TSLP: variants seen among roughly 807,000 people sequenced by gnomAD.
The protein encoded by TSLP is thymic stroma-derived lymphopoietin.
TSLP carries 12 observed loss-of-function variants against 12.4 expected under a neutral mutation model. The ratio of observed to expected loss-of-function variants is 0.97; its 90% CI spans 0.62 to 1.57. The LOEUF is 1.57. Among genes scored for constraint, TSLP ranks in the 40% most tolerant of loss-of-function variants. The pLI is 0.00. For synonymous variants in TSLP, 97 were observed against 69.5 expected (o/e 1.40, Z -1.97); for missense variants, 222 against 189.6 (o/e 1.17, Z -1.00).
intron 3 of TSLP, among the ~76,000 whole-genome samples, chr5:111,075,129 GC>G (rs1438414087): frequency 6.6e-6 from 1 of 152,196 alleles, no homozygotes; most frequent in Non-Finnish European, 1.5e-5. Context: ...TTCTTGGACA[GC>G]ATGTGAGAAA....
Position 111,073,508 on chromosome 5 carries a change from C to T in TSLP, c.217-3C>T, listed in dbSNP as rs1428244274. On this transcript the variant is annotated splice_polypyrimidine_tract_variant and splice_region_variant and intron_variant, in intron 2 of 3. Coordinates refer to ENST00000344895, the MANE Select transcript of TSLP (RefSeq NM_033035.5). ...TCTCGTAAACTTTGCCGCCTATGAG[C>T]AGCCACATTGCCTTACTGAAATCCA... The T allele has an allele frequency of 1.2e-6, 2 of 1,614,066 alleles. No homozygotes were observed. The highest frequency in any genetic ancestry group is 1.7e-5 in the Admixed American group (1 of 60,000).
upstream of TSLP, chr5:111,071,603 T>C: frequency 6.7e-7 from 1 of 1,490,088 alleles, no homozygotes; most frequent in African/African-American, 1.4e-5. Flanking sequence ...ACATCATCAA[T>C]TCAGAATTCT....
chr5:111,070,347 C>T (rs755184852), upstream of TSLP: 1 of 152,266 alleles, frequency 6.6e-6, no homozygotes, highest in South Asian at 2.1e-4. Flanking sequence ...CTCCTTTCTC[C>T]GAGCGATGAC....
intron 1 of TSLP, among the ~76,000 whole-genome samples, 154 bp downstream of exon 1, chr5:111,072,215 A>G (rs1387963101): frequency 1.3e-5 from 2 of 152,240 alleles, no homozygotes; most frequent in African/African-American, 4.8e-5. Context: ...ATATTCAAAT[A>G]TCTAATCTAA....
upstream of TSLP, chr5:111,070,179 G>A (rs553792333): frequency 5.2e-5 from 8 of 152,442 alleles, no homozygotes; most frequent in African/African-American, 1.9e-4. Context: ...TGAATCAGAG[G>A]TTTTCTGACC....
chr5:111,073,631 T>C lies in TSLP; in HGVS notation c.337T>C (p.Tyr113His). The C allele has an allele frequency of 6.2e-7, 1 of 1,614,238 alleles. No homozygotes were observed. The highest frequency in any genetic ancestry group is 2.2e-5 in the East Asian group (1 of 44,886). The change falls in exon 3 of 4, where the codon TAT becomes CAT. Residue 113 changes from tyrosine to histidine, a missense_variant. Transcript: ENST00000344895. The part of the protein sequence containing the change: ...KAALAIWCPG[Y>H]SETQINATQA... Reference sequence around the variant, plus strand: ...TGCCTTAGCTATCTGGTGCCCAGGCTATTCGGAAACTCAGGTAAGCCCGAA... The same window carrying C: ...TGCCTTAGCTATCTGGTGCCCAGGCCATTCGGAAACTCAGGTAAGCCCGAA...
At chr5:111,073,112 C>A (rs1052625592) in intron 2 of TSLP, among the ~76,000 whole-genome samples, 180 bp downstream of exon 2, 2 of 152,218 alleles carry the variant, frequency 1.3e-5, no homozygotes, top group Non-Finnish European at 2.9e-5. Flanking sequence ...GACAACACTT[C>A]TGTTCCAATT....
intron 2 of TSLP, 119 bp from the exon 3 acceptor site, chr5:111,073,392 G>C (rs182160822): frequency 6.4e-7 from 1 of 1,552,516 alleles, no homozygotes; most frequent in Non-Finnish European, 8.7e-7. Context: ...TCTGACTCTC[G>C]ACTTGTGTTC....
rs2112547998 is a variant in TSLP, at chr5:111,076,015, G to C, written c.421G>C (p.Val141Leu). 2 of 1,614,160 alleles carry C rather than the reference G, an allele frequency of 1.2e-6. No individual in the cohort carries two copies. Among genetic ancestry groups the C allele is most frequent in the Middle Eastern group, 1.6e-4 (1 of 6,062 alleles). ...CACAACCAATAAATGTCTGGAACAAGTGTCACAATTACAAGGATTGTGGCG... is the reference window on the plus strand; with the variant it reads ...CACAACCAATAAATGTCTGGAACAACTGTCACAATTACAAGGATTGTGGCG... ...KVTTNKCLEQ[V>L]SQLQGLWRRF... Residue 141 changes from valine to leucine, a missense_variant, in exon 4 of 4, where the codon GTG becomes CTG. Coordinates refer to ENST00000344895, the MANE Select transcript of TSLP (RefSeq NM_033035.5).
At position 111,073,565 on chromosome 5, in the gene TSLP, G is replaced by A. The variant is rs1752403030; in HGVS notation, c.271G>A (p.Ala91Thr). The A allele has an allele frequency of 6.2e-7, 1 of 1,614,140 alleles. No individual in the cohort carries two copies. The highest frequency in any genetic ancestry group is 8.5e-7 in the Non-Finnish European group (1 of 1,180,034). Residue 91 changes from alanine to threonine, a missense_variant, in exon 3 of 4, where the codon GCG becomes ACG. Transcript: ENST00000344895. Reference protein sequence around the residue: ...SLTFNPTAGCASLAKEMFAMK... With the variant: ...SLTFNPTAGCTSLAKEMFAMK... ...AACCTTCAATCCCACCGCCGGCTGC[G>A]CGTCGCTCGCCAAAGAAATGTTCGC...
Position 111,076,734 on chromosome 5 carries a change from T to G in TSLP, c.*660T>G, listed in dbSNP as rs771166158. Reference sequence around the variant, plus strand: ...TTTATTTTGTGAACACTTTTGAAAATGTACATGTTCCTTTGTAATTGACAC... The same window carrying G: ...TTTATTTTGTGAACACTTTTGAAAAGGTACATGTTCCTTTGTAATTGACAC... On this transcript the variant is annotated 3_prime_UTR_variant, in exon 4 of 4. Transcript: ENST00000344895. The G allele has an allele frequency of 7.2e-5, 11 of 152,238 alleles. No individual in the cohort carries two copies. Among genetic ancestry groups the G allele is most frequent in the Non-Finnish European group, 1.5e-4 (10 of 68,046 alleles). The allele number at this position is 152,238 out of a possible 1,614,324, so 9.4% of individuals were successfully genotyped here.
At chr5:111,072,379 A>C (rs1011765369) in intron 1 of TSLP, among the ~76,000 whole-genome samples, 1 of 152,204 alleles carries the variant, frequency 6.6e-6, no homozygotes, top group African/African-American at 2.4e-5. Flanking sequence ...GAGCTTAAGA[A>C]AGAGGAGTAA....
intron 3 of TSLP, among the ~76,000 whole-genome samples, chr5:111,074,627 C>CTTTTTTTTTTTTTTTTTTTTTTTTTT (rs35180980): frequency 9.1e-6 from 1 of 110,328 alleles, no homozygotes; most frequent in Non-Finnish European, 1.8e-5. Context: ...ACGACTGTCA[C>CTTTTTTTTTTTTTTTTTTTTTTTTTT]TTTTTTTTTT....
intron 3 of TSLP, 120 bp downstream of exon 3, chr5:111,073,765 G>A (rs1752412545): frequency 1.5e-5 from 18 of 1,187,498 alleles, no homozygotes; most frequent in Non-Finnish European, 1.9e-5. Flanking sequence ...AAGAGCAAAC[G>A]AGCCGGGTAA....
rs758151844 is a variant in TSLP, at chr5:111,071,923, A to C, written c.33A>C (p.Ser11=). The change falls in exon 1 of 4, where the codon TCA becomes TCC. Residue 11 remains serine, a synonymous_variant. Coordinates refer to ENST00000344895, the MANE Select transcript of TSLP (RefSeq NM_033035.5). MFPFALLYVL[S]VSFRKIFILQ... ...CTTTTGCCTTACTATATGTTCTGTC[A>C]GTTTCTTTCAGGAAAATCTTCATCT... 3.1e-6 allele frequency: 5 copies of C among 1,614,206 alleles called. No homozygotes were observed. The Admixed American group carries it at 8.3e-5, about 27-fold the overall frequency.
chr5:111,071,492 T>A, upstream of TSLP: 1 of 1,548,932 alleles, frequency 6.5e-7, no homozygotes, highest in Non-Finnish European at 8.7e-7. Flanking sequence ...TTATGAAGTG[T>A]TTAGGGCAAA....
At chr5:111,073,174 A>C in intron 2 of TSLP, 1 of 923,670 alleles carries the variant, frequency 1.1e-6, no homozygotes, top group South Asian at 1.9e-5. Flanking sequence ...AACTGGGACG[A>C]GGGAACGTTG....
In TSLP at chr5:111,076,178, A is replaced by G; in HGVS notation, c.*104A>G. 1 of 1,322,094 alleles carries G rather than the reference A, an allele frequency of 7.6e-7. No individual in the cohort carries two copies. Among genetic ancestry groups the G allele is most frequent in the Non-Finnish European group, 1.1e-6 (1 of 942,728 alleles). The allele number at this position is 1,322,094 out of a possible 1,614,324, so 81.9% of individuals were successfully genotyped here. The stretch of plus-strand genomic sequence containing the variant: ...GTGACAAAGAAGACCACAAATAGTT[A>G]TCTTTTAATTACAGAAGAGTTTCTT... On this transcript the variant is annotated 3_prime_UTR_variant, in exon 4 of 4. Coordinates refer to ENST00000344895, the MANE Select transcript of TSLP (RefSeq NM_033035.5).
At position 111,075,805 on chromosome 5, in the gene TSLP, C is replaced by T. The variant is rs796797547; in HGVS notation, c.352-141C>T. The T allele has an allele frequency of 1.6e-5, 13 of 817,528 alleles. No homozygotes were observed. In the East Asian group the frequency reaches 1.9e-4, roughly 12 times the overall value. The allele number at this position is 817,528 out of a possible 1,614,324, so 50.6% of individuals were successfully genotyped here. ...CAGGAAGGCATTCCCCTGGAAAAGG[C>T]ACATGCTAGCACATAGTAAGCAGGT... is the stretch of plus-strand genomic sequence containing the variant. On this transcript the variant is annotated intron_variant, in intron 3 of 3. Transcript: ENST00000344895.
Sources: gnomAD v4.1 joint callset for allele counts (sites outside exome capture counted in the v4.1 genomes callset) on GRCh38, gnomAD v4.1.1 for gene constraint, MANE v1.5 for transcripts, NCBI Gene and HGNC (gene_info 2026-07-23, HGNC 2026-07-21) for gene names.